GRM8: variants seen among roughly 807,000 people sequenced by gnomAD.
GRM8 encodes glutamate metabotropic receptor 8.
Under a neutral mutation model 87.2 loss-of-function variants are expected in GRM8, and 47 were observed. The observed-to-expected ratio is 0.54, with a 90% confidence interval of 0.43 to 0.69. The LOEUF (loss-of-function observed/expected upper bound fraction) is 0.69. GRM8 is among the 30% of genes least tolerant of loss of function. The probability of loss-of-function intolerance (pLI) is 0.00; values close to 1 mark genes in which losing one functional copy is unlikely to be tolerated. For synonymous variants in GRM8, 396 were observed against 404.5 expected (o/e 0.98, Z 0.25); for missense variants, 1,019 against 1,139.2 (o/e 0.89, Z 1.52).
At chr7:127,104,839 C>A (rs1242448943) in intron 3 of GRM8, among the ~76,000 whole-genome samples, 2 of 152,134 alleles carry the variant, frequency 1.3e-5, no homozygotes, top group African/African-American at 4.8e-5. Flanking sequence ...CTAAGTATTT[C>A]TTATTTTAGT....
intron 3 of GRM8, among the ~76,000 whole-genome samples, chr7:127,037,621 G>T (rs1329447374): frequency 6.6e-6 from 1 of 152,152 alleles, no homozygotes; most frequent in African/African-American, 2.4e-5. Context: ...CCAAAGTTTT[G>T]CTGTCTCACA....
intron 8 of GRM8, among the ~76,000 whole-genome samples, chr7:126,582,295 A>G (rs1795684885): frequency 1.3e-5 from 2 of 152,308 alleles, no homozygotes; most frequent in Non-Finnish European, 2.9e-5. Context: ...ACATTCCCTT[A>G]AACCAAAGCC....
chr7:126,616,770 A>T (rs896546309), intron 7 of GRM8, among the ~76,000 whole-genome samples: 2 of 152,186 alleles, frequency 1.3e-5, no homozygotes, highest in Non-Finnish European at 2.9e-5. Flanking sequence ...AAACTAGAAA[A>T]TCTAGAAGAA....
At chr7:126,730,101 G>A (rs961018320) in intron 7 of GRM8, among the ~76,000 whole-genome samples, 1 of 152,164 alleles carries the variant, frequency 6.6e-6, no homozygotes, top group African/African-American at 2.4e-5. Flanking sequence ...AAGAAGTAAT[G>A]TAAGAGTAAT....
At chr7:127,203,285 G>A (rs181812888) in intron 2 of GRM8, among the ~76,000 whole-genome samples, 2 of 152,336 alleles carry the variant, frequency 1.3e-5, no homozygotes, top group African/African-American at 4.8e-5. Flanking sequence ...TATAAGGGGT[G>A]CAGGCATAGG....
intron 2 of GRM8, among the ~76,000 whole-genome samples, chr7:127,127,165 T>C (rs1827420039): frequency 1.3e-5 from 2 of 151,976 alleles, no homozygotes; most frequent in Admixed American, 6.6e-5. Flanking sequence ...TTGGCAGATA[T>C]ATATATCCCT....
intron 2 of GRM8, among the ~76,000 whole-genome samples, chr7:127,161,417 A>G (rs1793109302): frequency 6.6e-6 from 1 of 152,178 alleles, no homozygotes; most frequent in South Asian, 2.1e-4. Context: ...TCCCATTTCC[A>G]GCCTATACTC....
intron 1 of GRM8, among the ~76,000 whole-genome samples, chr7:127,245,336 C>T (rs528008765): frequency 6.6e-6 from 1 of 152,194 alleles, no homozygotes; most frequent in African/African-American, 2.4e-5. Context: ...AGAGTACAGA[C>T]TAAATGAATA....
intron 2 of GRM8, among the ~76,000 whole-genome samples, chr7:127,123,414 A>C (rs867751115): frequency 1.7e-4 from 25 of 150,972 alleles, no homozygotes; most frequent in African/African-American, 6.1e-4. Context: ...TCACTCTGTT[A>C]GTTCCCTCAA....
intron 3 of GRM8, among the ~76,000 whole-genome samples, chr7:127,000,942 A>G (rs898810365): frequency 1.3e-5 from 2 of 151,714 alleles, no homozygotes; most frequent in African/African-American, 4.8e-5. Flanking sequence ...TTGATTGTGA[A>G]ATACATATTA....
chr7:127,083,010 G>A lies in GRM8; in HGVS notation c.727+23486C>T, dbSNP rs935887676. Reference sequence around the variant, plus strand: ...AGGAATTCCCTCTTGCTCAGGGAAGGTCAAACTTCTGTTCAGTCCTTCACC... The same window carrying A: ...AGGAATTCCCTCTTGCTCAGGGAAGATCAAACTTCTGTTCAGTCCTTCACC... On this transcript the variant is annotated intron_variant, in intron 3 of 10. Coordinates refer to ENST00000339582, the MANE Select transcript of GRM8 (RefSeq NM_000845.3). Among the ~76,000 whole-genome samples, 3 of 152,154 alleles carry A rather than the reference G, an allele frequency of 2.0e-5. No individual in the cohort carries two copies. The South Asian group carries it at 6.2e-4, about 31-fold the overall frequency.
chr7:126,991,548 T>C (rs1218549128), intron 3 of GRM8, among the ~76,000 whole-genome samples: 1 of 152,180 alleles, frequency 6.6e-6, no homozygotes, highest in Non-Finnish European at 1.5e-5. Flanking sequence ...ATTTTTAATC[T>C]AAACCTTTTT....
chr7:127,113,971 C>A (rs1826545468), intron 2 of GRM8, among the ~76,000 whole-genome samples: 1 of 152,066 alleles, frequency 6.6e-6, no homozygotes, highest in African/African-American at 2.4e-5. Context: ...CTCCTCCCAC[C>A]TTCATGAAAA....
At chr7:126,473,277 C>T (rs566416490) in intron 9 of GRM8, among the ~76,000 whole-genome samples, 156 of 152,288 alleles carry the variant, frequency 1.0e-3, no homozygotes, top group Non-Finnish European at 1.7e-3. Context: ...GCCATAGGGA[C>T]AAAACTACCC....
intron 6 of GRM8, among the ~76,000 whole-genome samples, chr7:126,875,920 G>A (rs529261725): frequency 1.1e-4 from 17 of 152,146 alleles, no homozygotes; most frequent in African/African-American, 3.9e-4. Context: ...TTATCTCATG[G>A]AAAACCTGTT....
At chr7:127,196,543 A>C (rs1795287970) in intron 2 of GRM8, among the ~76,000 whole-genome samples, 1 of 151,828 alleles carries the variant, frequency 6.6e-6, no homozygotes, top group South Asian at 2.1e-4. Context: ...ACAAAAAAAA[A>C]AACAAGCAAA....
At position 126,685,589 on chromosome 7, in the gene GRM8, C is replaced by CTT; in HGVS notation, c.1358-76092_1358-76091insAA. On this transcript the variant is annotated intron_variant, in intron 7 of 10. Coordinates refer to ENST00000339582, the MANE Select transcript of GRM8 (RefSeq NM_000845.3). The surrounding 1 kb of genome is among the most constrained non-coding windows in gnomAD (Gnocchi z 4.2). ...TCTGATCTTGGAGTAAGGTTGGGGC[C>CTT]AAGCCTGAGCACTGTTGCAGTTTGG... Among the ~76,000 whole-genome samples the CTT allele has an allele frequency of 6.6e-6, 1 of 152,134 alleles. No homozygotes were observed. The highest frequency in any genetic ancestry group is 6.5e-5 in the Admixed American group (1 of 15,284).
intron 3 of GRM8, among the ~76,000 whole-genome samples, chr7:127,057,051 T>A (rs956877000): frequency 3.3e-5 from 5 of 152,136 alleles, no homozygotes; most frequent in Non-Finnish European, 5.9e-5. Context: ...AAAAAAAAAA[T>A]TTGAACTTTT....
At chr7:126,611,411 T>G (rs1010714259) in intron 7 of GRM8, among the ~76,000 whole-genome samples, 4 of 152,358 alleles carry the variant, frequency 2.6e-5, no homozygotes, top group African/African-American at 9.6e-5. Flanking sequence ...ACTGCACATT[T>G]ACTTTCAGTA....
Sources: allele counts gnomAD v4.1 joint callset (sites outside exome capture counted in the v4.1 genomes callset), GRCh38; gene constraint gnomAD v4.1.1; non-coding constraint Gnocchi (gnomAD v3.1); transcripts MANE v1.5; gene names NCBI Gene and HGNC (gene_info 2026-07-23, HGNC 2026-07-21).